IGF2: variants seen among roughly 807,000 people sequenced by gnomAD.
IGF2 encodes the protein insulin like growth factor 2.
IGF2 carries 2 observed loss-of-function variants against 12.0 expected under a neutral mutation model. The ratio of observed to expected loss-of-function variants is 0.17; its 90% CI spans 0.07 to 0.52. IGF2 has a LOEUF of 0.52. Among genes scored for constraint, IGF2 ranks in the 20% least tolerant of loss-of-function variants. The pLI, the probability that IGF2 is intolerant of heterozygous loss-of-function variation, is 0.95. For missense variants in IGF2, 211 were observed against 268.0 expected, an observed-to-expected ratio of 0.79 and a Z score of 1.48; for synonymous variants, 105 against 110.1, an observed-to-expected ratio of 0.95 and a Z score of 0.29.
At chr11:2,146,397 G>C in the IGF2 span, 5 of 534,440 alleles carry the variant, frequency 9.4e-6, no homozygotes, top group Non-Finnish European at 1.5e-5. Flanking sequence ...CACTCCCCTC[G>C]CTGGGGAAGG....
In IGF2 at chr11:2,130,528, TG is replaced by T. The variant is rs57423851; in HGVS notation, c.*2458del. 2,395 of 143,986 alleles carry T rather than the reference TG, an allele frequency of 0.017. 20 individuals are homozygous for T. Among genetic ancestry groups the T allele is most frequent in the African/African-American group, 0.046 (1,335 of 29,308 alleles). The allele number at this position is 143,986 out of a possible 1,614,324, so 8.9% of individuals were successfully genotyped here. A position where few individuals can be genotyped will look rare whatever the true frequency, so the allele number is the denominator to read the frequency against. On this transcript the variant is annotated 3_prime_UTR_variant, in exon 4 of 4. Coordinates refer to ENST00000416167, the MANE Select transcript of IGF2 (RefSeq NM_000612.6). ...CTTTTGTCACTGCCCCCCTGTTACA[TG>T]GGGGGGGGGTTTAATTTGGTTTCTG...
In IGF2 at chr11:2,138,652, A is replaced by G; in HGVS notation, c.-430T>C. The G allele has an allele frequency of 3.1e-6, 3 of 971,984 alleles. No individual in the cohort carries two copies. The highest frequency in any genetic ancestry group is 3.6e-6 in the Non-Finnish European group (3 of 826,046). The allele number at this position is 971,984 out of a possible 1,614,324, so 60.2% of individuals were successfully genotyped here. A position where few individuals can be genotyped will look rare whatever the true frequency, so the allele number is the denominator to read the frequency against. On this transcript the variant is annotated 5_prime_UTR_variant, in exon 1 of 4. Coordinates refer to ENST00000416167, the MANE Select transcript of IGF2 (RefSeq NM_000612.6). ...AGAGAACAGCACGGAGAGAAACAGA[A>G]AGCGTGTAATTAATCCACTTTGGTT...
In IGF2 at chr11:2,132,483, G is replaced by C. The variant is rs912402879; in HGVS notation, c.*504C>G. On this transcript the variant is annotated 3_prime_UTR_variant, in exon 4 of 4. Transcript: ENST00000416167. ...AAGTCCAAGGGAGAAGAGAAAGAGGGGGGTGGGGAGTGCCAAATTCCTTTA... is the reference window on the plus strand; with the variant it reads ...AAGTCCAAGGGAGAAGAGAAAGAGGCGGGTGGGGAGTGCCAAATTCCTTTA... 1.5e-4 allele frequency: 29 copies of C among 196,958 alleles called. No homozygotes were observed. The Admixed American group carries it at 1.5e-3, about 10-fold the overall frequency. The allele number at this position is 196,958 out of a possible 1,614,324, so 12.2% of individuals were successfully genotyped here.
chr11:2,134,533 A>G (rs1858854200), intron 2 of IGF2, among the ~76,000 whole-genome samples: 1 of 152,254 alleles, frequency 6.6e-6, no homozygotes, highest in African/African-American at 2.4e-5. Context: ...GAAGCTTTGA[A>G]GTGCATTTGC....
rs1858381758 is a variant in IGF2, at chr11:2,129,415, C to T, written c.*3572G>A. On this transcript the variant is annotated 3_prime_UTR_variant, in exon 4 of 4. Transcript: ENST00000416167. The surrounding 1 kb of genome is among the most constrained non-coding windows in gnomAD (Gnocchi z 8.1). ...CGGAGGTCAGACAGGCAGCCCGGGC[C>T]AGGATGGTTAGTGGCCCAGGGGAGA... 4.4e-6 allele frequency: 1 copy of T among 229,778 alleles called. No homozygotes were observed. Among genetic ancestry groups the T allele is most frequent in the Admixed American group, 5.7e-5 (1 of 17,654 alleles). 14.2% of individuals were successfully genotyped at this position (229,778 alleles called of 1,614,324 possible).
rs771147163 is a variant in IGF2, at chr11:2,132,546, C to CT, written c.*440dup. Reference sequence around the variant, plus strand: ...TTTCTCAGCCAATTCGTTTTTAATACTTTTTTTTTTTAGCCAATTGATTTT... The same window carrying CT: ...TTTCTCAGCCAATTCGTTTTTAATACTTTTTTTTTTTTAGCCAATTGATTTT... On this transcript the variant is annotated 3_prime_UTR_variant, in exon 4 of 4. Coordinates refer to ENST00000416167, the MANE Select transcript of IGF2 (RefSeq NM_000612.6). 0.037 allele frequency: 6,283 copies of CT among 168,908 alleles called. 82 individuals carry two copies. Among genetic ancestry groups the CT allele is most frequent in the African/African-American group, 0.06 (2,243 of 37,386 alleles). 10.5% of individuals were successfully genotyped at this position (168,908 alleles called of 1,614,324 possible).
rs1858684782 is a variant in IGF2 at position 2,132,651 on chromosome 11, T to C, written c.*336A>G. 1 of 117,630 alleles carries C rather than the reference T, an allele frequency of 8.5e-6. No individual in the cohort carries two copies. Among genetic ancestry groups the C allele is most frequent in the Non-Finnish European group, 1.6e-5 (1 of 64,210 alleles). The allele number at this position is 117,630 out of a possible 1,614,324, so 7.3% of individuals were successfully genotyped here. Reference sequence around the variant, plus strand: ...AAAAAGCCAATTAGTTTTAAGAGGGTTGTTGTGGGGGGGGGGGAAGGGGGT... The same window carrying C: ...AAAAAGCCAATTAGTTTTAAGAGGGCTGTTGTGGGGGGGGGGGAAGGGGGT... On this transcript the variant is annotated 3_prime_UTR_variant, in exon 4 of 4. Transcript: ENST00000416167.
chr11:2,139,432 C>G (rs1332771272), upstream of IGF2: 3 of 147,356 alleles, frequency 2.0e-5, no homozygotes, highest in Admixed American at 2.0e-4. Flanking sequence ...TCGCGCCAGC[C>G]CGCGGCCCAG....
At chr11:2,143,418 G>A (rs1044261871), upstream of IGF2, among the ~76,000 whole-genome samples, 1 of 152,146 alleles carries the variant, frequency 6.6e-6, no homozygotes, top group African/African-American at 2.4e-5. Flanking sequence ...GGAGACCCTG[G>A]AGTTAATATT....
At chr11:2,138,195 C>T in intron 1 of IGF2, 34 bp downstream of exon 1, 3 of 982,956 alleles carry the variant, frequency 3.1e-6, no homozygotes, top group Non-Finnish European at 3.6e-6. Context: ...CCGCCCCAGC[C>T]CCGGCCCCGG....
In IGF2 at chr11:2,138,831, G is replaced by T; in HGVS notation, c.-609C>A. 7.4e-6 allele frequency: 7 copies of T among 943,678 alleles called. No homozygotes were observed. Among genetic ancestry groups the T allele is most frequent in the Non-Finnish European group, 8.8e-6 (7 of 793,328 alleles). 58.5% of individuals were successfully genotyped at this position (943,678 alleles called of 1,614,324 possible). ...CGCGGGGAGCACAGAGAAGCGGAGG[G>T]AAGGGCGCCACGTCGAGGGGCCGGG... On this transcript the variant is annotated 5_prime_UTR_variant, in exon 1 of 4. Transcript: ENST00000416167.
chr11:2,138,468 T>C lies in IGF2; in HGVS notation c.-246A>G. On this transcript the variant is annotated 5_prime_UTR_variant, in exon 1 of 4. Transcript: ENST00000416167. ...CTGGGGCGGGCCAGATGTTGTACTT[T>C]TCGGGGGGGAAAAGGTATCGGGAAA... 1.2e-6 allele frequency: 1 copy of C among 847,320 alleles called. No homozygotes were observed. The highest frequency in any genetic ancestry group is 1.4e-6 in the Non-Finnish European group (1 of 717,748). The allele number at this position is 847,320 out of a possible 1,614,324, so 52.5% of individuals were successfully genotyped here.
rs11541376 is a variant in IGF2, at chr11:2,129,646, G to A, written c.*3341C>T. 3.0e-5 allele frequency: 7 copies of A among 231,194 alleles called. No homozygotes were observed. The highest frequency in any genetic ancestry group is 1.2e-3 in the Middle Eastern group (1 of 804). The allele number at this position is 231,194 out of a possible 1,614,324, so 14.3% of individuals were successfully genotyped here. ...TCTTTGGGCTTCTGTCCAATGTTCC[G>A]AATGGCCCACTCACAGGGCGCTTGC... is the stretch of plus-strand genomic sequence containing the variant. On this transcript the variant is annotated 3_prime_UTR_variant, in exon 4 of 4. Coordinates refer to ENST00000416167, the MANE Select transcript of IGF2 (RefSeq NM_000612.6). This position sits in a 1 kb window ranked among gnomAD's most constrained non-coding sequence, Gnocchi z 8.1.
chr11:2,142,279 A>G (rs1325741241), upstream of IGF2, among the ~76,000 whole-genome samples: 4 of 152,176 alleles, frequency 2.6e-5, no homozygotes, highest in African/African-American at 9.7e-5. This position sits in a 1 kb window ranked among gnomAD's most constrained non-coding sequence, Gnocchi z 5.7. Context: ...CTGGGAGACA[A>G]TACCGCAATT....
chr11:2,147,463 C>T, the IGF2 span: 1 of 480,998 alleles, frequency 2.1e-6, no homozygotes, highest in East Asian at 3.5e-5. The surrounding 1 kb of genome is among the most constrained non-coding windows in gnomAD (Gnocchi z 7.2). Context: ...GCCAGCCTCT[C>T]TGAGCCAAAG....
the IGF2 span, chr11:2,148,908 T>G: frequency 1.7e-6 from 1 of 593,824 alleles, no homozygotes; most frequent in Non-Finnish European, 3.0e-6. The surrounding 1 kb of genome is among the most constrained non-coding windows in gnomAD (Gnocchi z 4.3). Flanking sequence ...TGTGCAGCCC[T>G]AAAGGAGAAC....
At chr11:2,140,452 G>GC, upstream of IGF2, 1 of 495,102 alleles carries the variant, frequency 2.0e-6, no homozygotes, top group Non-Finnish European at 3.1e-6. Context: ...GGCCCCCCTC[G>GC]CCCCCCTCGC....
upstream of IGF2, among the ~76,000 whole-genome samples, chr11:2,139,954 A>C (rs991065850): frequency 2.6e-5 from 4 of 151,984 alleles, no homozygotes; most frequent in African/African-American, 7.3e-5. Context: ...CGGCGCTTGG[A>C]GCCTCAGCCA....
chr11:2,146,401 G>C, the IGF2 span: 1 of 534,610 alleles, frequency 1.9e-6, no homozygotes, highest in Non-Finnish European at 3.8e-6. Context: ...CCCCTCGCTG[G>C]GGAAGGACAC....
Sources: allele counts gnomAD v4.1 joint callset (sites outside exome capture counted in the v4.1 genomes callset), GRCh38; gene constraint gnomAD v4.1.1; non-coding constraint Gnocchi (gnomAD v3.1); transcripts MANE v1.5; gene names NCBI Gene and HGNC (gene_info 2026-07-23, HGNC 2026-07-21).